VGLL4: variants seen among roughly 807,000 people sequenced by gnomAD.
VGLL4 encodes the protein vestigial like family member 4.
In VGLL4, 7 loss-of-function variants were observed where a neutral mutation model predicts 21.0. The ratio of observed to expected loss-of-function variants is 0.33; its 90% CI spans 0.19 to 0.63. The LOEUF (loss-of-function observed/expected upper bound fraction) is 0.63, where lower values mean the gene tolerates loss of function less well. Ranked by LOEUF, VGLL4 falls within the 20% of genes least tolerant of loss-of-function variation. The pLI, the probability that VGLL4 is intolerant of heterozygous loss-of-function variation, is 0.78. For missense variants in VGLL4, 394 were observed against 425.7 expected, an observed-to-expected ratio of 0.93 and a Z score of 0.66; for synonymous variants, 222 against 173.2, an observed-to-expected ratio of 1.28 and a Z score of -2.21.
At chr3:11,563,925 C>T (rs2073273665) in intron 3 of VGLL4, among the ~76,000 whole-genome samples, 1 of 152,184 alleles carries the variant, frequency 6.6e-6, no homozygotes, top group Non-Finnish European at 1.5e-5. Flanking sequence ...CCATCAGACA[C>T]GGACACCAGG....
intron 2 of VGLL4, among the ~76,000 whole-genome samples, chr3:11,700,797 T>TTTG (rs1252274491): frequency 1.1e-4 from 17 of 152,026 alleles, no homozygotes; most frequent in Admixed American, 4.6e-4. Context: ...ATAAAGGAGT[T>TTTG]TTGTTGTTGT....
In VGLL4 at chr3:11,558,305, AGG is replaced by A. The variant is rs1390954858; in HGVS notation, c.*249_*250del. 1.7e-6 allele frequency: 1 copy of A among 593,980 alleles called. No individual in the cohort carries two copies. The highest frequency in any genetic ancestry group is 2.8e-6 in the Non-Finnish European group (1 of 353,936). 36.8% of individuals were successfully genotyped at this position (593,980 alleles called of 1,614,324 possible). A position where few individuals can be genotyped will look rare whatever the true frequency, so the allele number is the denominator to read the frequency against. On this transcript the variant is annotated 3_prime_UTR_variant, in exon 5 of 5. Coordinates refer to ENST00000430365, the MANE Select transcript of VGLL4 (RefSeq NM_001128219.3). ...CAGAGGTTTCTTTGGTAACTGAGGC[AGG>A]AAGTAAGGATGCTACATTAGACAGA... is the stretch of plus-strand genomic sequence containing the variant.
At chr3:11,709,704 G>T (rs1198910038) in intron 1 of VGLL4, among the ~76,000 whole-genome samples, 1 of 152,138 alleles carries the variant, frequency 6.6e-6, no homozygotes. Flanking sequence ...TTGAGAATTA[G>T]GGAACAAGAG....
intron 2 of VGLL4, chr3:11,702,908 T>C (rs1173287244): frequency 2.7e-6 from 4 of 1,465,764 alleles, no homozygotes; most frequent in Non-Finnish European, 2.8e-6. Flanking sequence ...AATTTTGTTA[T>C]GGAGCAGAAG....
intron 2 of VGLL4, among the ~76,000 whole-genome samples, chr3:11,583,749 G>A (rs912481798): frequency 6.6e-6 from 1 of 152,164 alleles, no homozygotes; most frequent in Non-Finnish European, 1.5e-5. Context: ...GCTCCGCCAA[G>A]GATGGGCACA....
intron 2 of VGLL4, among the ~76,000 whole-genome samples, chr3:11,587,666 T>G (rs2074391199): frequency 6.6e-6 from 1 of 152,212 alleles, no homozygotes; most frequent in African/African-American, 2.4e-5. Flanking sequence ...AATCTGCACT[T>G]TGGGTCAATT....
At chr3:11,605,915 T>C (rs1252506717) in intron 1 of VGLL4, among the ~76,000 whole-genome samples, 5 of 152,226 alleles carry the variant, frequency 3.3e-5, no homozygotes, top group African/African-American at 4.8e-5. Context: ...GAAAAGGATC[T>C]AAATAGGCAT....
At chr3:11,604,691 T>A (rs946128586) in intron 1 of VGLL4, 1 of 285,856 alleles carries the variant, frequency 3.5e-6, no homozygotes, top group Non-Finnish European at 5.1e-6. Flanking sequence ...GTGCTTCCCC[T>A]CTCTGGGCCT....
rs533578386 is a variant in VGLL4 at position 11,574,779 on chromosome 3, C to CTA, written c.273-9762_273-9761dup. Reference sequence around the variant, plus strand: ...ATATGTACAATTACTGTCAATTCAACTATATATGTGTGTGTGTGTGTGTGT... The same window carrying CTA: ...ATATGTACAATTACTGTCAATTCAACTATATATATGTGTGTGTGTGTGTGTGT... On this transcript the variant is annotated intron_variant, in intron 2 of 4. Coordinates refer to ENST00000430365, the MANE Select transcript of VGLL4 (RefSeq NM_001128219.3). Among the ~76,000 whole-genome samples, 20 of 121,790 alleles carry CTA rather than the reference C, an allele frequency of 1.6e-4. No individual in the cohort carries two copies. In the East Asian group the frequency reaches 2.0e-3, roughly 12 times the overall value. The allele number at this position is 121,790 out of a possible 152,430, so 79.9% of individuals were successfully genotyped here. A position where few individuals can be genotyped will look rare whatever the true frequency, so the allele number is the denominator to read the frequency against.
chr3:11,689,987 TC>T (rs1229066355), intron 2 of VGLL4, among the ~76,000 whole-genome samples: 1 of 152,164 alleles, frequency 6.6e-6, no homozygotes, highest in Non-Finnish European at 1.5e-5. Flanking sequence ...GACACTCTGC[TC>T]GGCTTCTCTC....
At chr3:11,682,547 C>T (rs1431318201) in intron 2 of VGLL4, among the ~76,000 whole-genome samples, 2 of 152,146 alleles carry the variant, frequency 1.3e-5, no homozygotes, top group East Asian at 3.9e-4. Context: ...AATTGCACTC[C>T]AGCTTGTGTG....
At position 11,602,089 on chromosome 3, in the gene VGLL4, C is replaced by G. The variant is rs377452007; in HGVS notation, c.83-67G>C. 804 of 1,393,736 alleles carry G rather than the reference C, an allele frequency of 5.8e-4. 7 individuals are homozygous for G. The African/African-American group carries it at 9.1e-3, about 16-fold the overall frequency. The allele number at this position is 1,393,736 out of a possible 1,614,324, so 86.3% of individuals were successfully genotyped here. On this transcript the variant is annotated intron_variant, in intron 1 of 4. Transcript: ENST00000430365. ...GCCCCCATCTCAGTCCCCCAGGCTC[C>G]CCGCCCGCCCAGCCAGCCCCTTACA... is the stretch of plus-strand genomic sequence containing the variant.
At chr3:11,709,965 C>G (rs980744481) in intron 1 of VGLL4, among the ~76,000 whole-genome samples, 1 of 152,212 alleles carries the variant, frequency 6.6e-6, no homozygotes, top group Non-Finnish European at 1.5e-5. Context: ...GTGCCAGCAT[C>G]TGCTCAGCTT....
At chr3:11,715,586 G>A (rs1402353572) in intron 1 of VGLL4, among the ~76,000 whole-genome samples, 7 of 151,984 alleles carry the variant, frequency 4.6e-5, no homozygotes, top group African/African-American at 9.7e-5. Flanking sequence ...CACCTGCCTC[G>A]GCCTCCCAAA....
intron 2 of VGLL4, among the ~76,000 whole-genome samples, chr3:11,694,053 T>G (rs2076570036): frequency 1.3e-5 from 2 of 152,180 alleles, no homozygotes; most frequent in Admixed American, 1.3e-4. Context: ...ACAGAAGCCC[T>G]ATAAACCTCA....
intron 2 of VGLL4, among the ~76,000 whole-genome samples, chr3:11,595,984 A>G (rs1197126850): frequency 6.6e-6 from 1 of 152,084 alleles, no homozygotes; most frequent in Non-Finnish European, 1.5e-5. Context: ...AAAGTATAAT[A>G]ATAATAAAAT....
At chr3:11,641,260 TA>T (rs1257497831) in intron 1 of VGLL4, among the ~76,000 whole-genome samples, 2 of 152,126 alleles carry the variant, frequency 1.3e-5, no homozygotes, top group Non-Finnish European at 2.9e-5. Flanking sequence ...TAAAATGTCA[TA>T]AAATTAATTT....
chr3:11,590,597 T>C (rs1047016369), intron 2 of VGLL4, among the ~76,000 whole-genome samples: 2 of 152,082 alleles, frequency 1.3e-5, no homozygotes, highest in African/African-American at 4.8e-5. Context: ...ACCCAGAACA[T>C]TACTGCAACA....
chr3:11,577,411 G>T (rs983021337), intron 2 of VGLL4, among the ~76,000 whole-genome samples: 1 of 152,142 alleles, frequency 6.6e-6, no homozygotes, highest in African/African-American at 2.4e-5. Flanking sequence ...AGCCTGGCAT[G>T]GTGAAACCCC....
Sources: gnomAD v4.1 joint callset for allele counts (sites outside exome capture counted in the v4.1 genomes callset) on GRCh38, gnomAD v4.1.1 for gene constraint, MANE v1.5 for transcripts, NCBI Gene and HGNC (gene_info 2026-07-23, HGNC 2026-07-21) for gene names.